The following UBE4B variants were observed in gnomAD, a reference collection of about 807,000 sequenced individuals.
UBE4B encodes ubiquitination factor E4B.
A neutral mutation model predicts 148.1 loss-of-function variants in UBE4B; 27 were observed. The ratio of observed to expected loss-of-function variants is 0.18; its 90% CI spans 0.13 to 0.25. The LOEUF is 0.25. Ranked by LOEUF, UBE4B falls within the 10% of genes least tolerant of loss-of-function variation. The pLI is 1.00. For synonymous variants in UBE4B, 596 were observed against 619.3 expected (o/e 0.96, Z 0.56); for missense variants, 1,170 against 1,662.4 (o/e 0.70, Z 5.15).
chr1:10,074,447 A>G (rs1173073030), intron 2 of UBE4B, among the ~76,000 whole-genome samples: 1 of 150,988 alleles, frequency 6.6e-6, no homozygotes, highest in Non-Finnish European at 1.5e-5. Context: ...CTTCTCCCCC[A>G]CATCTCTGCA....
chr1:10,117,657 C>A, intron 8 of UBE4B, 57 bp downstream of exon 8: 1 of 1,508,398 alleles, frequency 6.6e-7, no homozygotes, highest in Admixed American at 2.5e-5. Flanking sequence ...GTTTGATTAT[C>A]CCCACCCCTG....
At chr1:10,067,538 A>G (rs1470121911) in intron 1 of UBE4B, among the ~76,000 whole-genome samples, 2 of 151,938 alleles carry the variant, frequency 1.3e-5, no homozygotes, top group Non-Finnish European at 2.9e-5. Flanking sequence ...TGTTGTGACT[A>G]TTTTTTGGTG....
chr1:10,106,321 C>T lies in UBE4B; in HGVS notation c.934C>T (p.Pro312Ser), dbSNP rs759248268. Residue 312 changes from proline to serine, a missense_variant, in exon 7 of 28, where the codon CCT (proline) becomes TCT (serine). By Grantham distance (74) the Pro-to-Ser change is moderately conservative. Coordinates refer to ENST00000343090, the MANE Select transcript of UBE4B (RefSeq NM_001105562.3). The surrounding 1 kb of genome is among the most constrained non-coding windows in gnomAD (Gnocchi z 4.2). ...QLAVPSTPLSPHSAASGTAAG... is the reference protein window; with the variant it reads ...QLAVPSTPLSSHSAASGTAAG... ...GGCTGTGCCTTCCACTCCCCTCAGT[C>T]CTCACAGTGCAGCCTCTGGAACTGC... is the stretch of plus-strand genomic sequence containing the variant. The T allele has an allele frequency of 3.1e-6, 5 of 1,614,186 alleles. 1 individual carries two copies. In the South Asian group the frequency reaches 5.5e-5, roughly 18 times the overall value.
chr1:10,093,683 T>G (rs981647283), intron 2 of UBE4B, among the ~76,000 whole-genome samples: 53 of 152,110 alleles, frequency 3.5e-4, no homozygotes, highest in African/African-American at 1.3e-3. Context: ...CTGTTTTCTT[T>G]TTTCATACTT....
intron 1 of UBE4B, among the ~76,000 whole-genome samples, chr1:10,050,352 G>A (rs1644010161): frequency 6.6e-6 from 1 of 152,206 alleles, no homozygotes; most frequent in Admixed American, 6.5e-5. Flanking sequence ...GATTACAGGT[G>A]TGAGCCAGTG....
intron 17 of UBE4B, among the ~76,000 whole-genome samples, chr1:10,144,257 T>C (rs1236814606): frequency 6.6e-6 from 1 of 152,096 alleles, no homozygotes; most frequent in African/African-American, 2.4e-5. Context: ...GTTAGTAAAA[T>C]AGCCTTTTGT....
At chr1:10,082,982 A>G (rs143548538) in intron 2 of UBE4B, among the ~76,000 whole-genome samples, 3 of 152,144 alleles carry the variant, frequency 2.0e-5, no homozygotes, top group African/African-American at 7.2e-5. Context: ...TGCAAAGGAC[A>G]TGATCTCATT....
intron 1 of UBE4B, among the ~76,000 whole-genome samples, chr1:10,065,969 G>A (rs1254775512): frequency 6.6e-6 from 1 of 151,590 alleles, no homozygotes; most frequent in African/African-American, 2.4e-5. Context: ...ATAAAAATAT[G>A]CCTCATTTTA....
intron 8 of UBE4B, among the ~76,000 whole-genome samples, chr1:10,117,967 G>C (rs1645341726): frequency 6.6e-6 from 1 of 152,168 alleles, no homozygotes; most frequent in African/African-American, 2.4e-5. Flanking sequence ...GACTGTGCCA[G>C]GTCGACATTA....
intron 1 of UBE4B, among the ~76,000 whole-genome samples, chr1:10,044,668 A>C (rs1252820852): frequency 1.3e-5 from 2 of 151,516 alleles, no homozygotes; most frequent in South Asian, 4.2e-4. Flanking sequence ...CTGTAACTCC[A>C]CCGCTTGGGC....
chr1:10,044,613 C>T (rs931290442), intron 1 of UBE4B, among the ~76,000 whole-genome samples: 11 of 151,858 alleles, frequency 7.2e-5, no homozygotes, highest in Non-Finnish European at 1.5e-4. Flanking sequence ...CCGCCTGTCT[C>T]GCTTTGTCAC....
chr1:10,072,823 C>T (rs1452343761), intron 2 of UBE4B: 3 of 201,562 alleles, frequency 1.5e-5, no homozygotes, highest in Non-Finnish European at 3.0e-5. Flanking sequence ...ACTTTTCTAT[C>T]AAATATAGTA....
chr1:10,068,396 C>G (rs909690712), intron 1 of UBE4B, among the ~76,000 whole-genome samples: 2 of 148,228 alleles, frequency 1.3e-5, no homozygotes, highest in African/African-American at 5.0e-5. Flanking sequence ...GTTGCCCAGG[C>G]TGGAGTGCAG....
chr1:10,163,847 A>G (rs934445262), intron 23 of UBE4B, among the ~76,000 whole-genome samples: 3 of 150,252 alleles, frequency 2.0e-5, no homozygotes, highest in African/African-American at 2.4e-5. Flanking sequence ...TCTTGGCTCA[A>G]TTTATGCCTG....
At chr1:10,088,954 C>T (rs533591270) in intron 2 of UBE4B, among the ~76,000 whole-genome samples, 2 of 152,324 alleles carry the variant, frequency 1.3e-5, no homozygotes, top group Admixed American at 1.3e-4. Flanking sequence ...GTCGGGATTA[C>T]AGGCGTGAGC....
At chr1:10,126,639 C>G (rs1156634987) in intron 10 of UBE4B, among the ~76,000 whole-genome samples, 155 bp from the exon 11 acceptor site, 1 of 152,188 alleles carries the variant, frequency 6.6e-6, no homozygotes, top group Non-Finnish European at 1.5e-5. Context: ...AACAGGTCAA[C>G]ACTCTGGCTG....
At chr1:10,076,143 T>C (rs1570833973) in intron 2 of UBE4B, among the ~76,000 whole-genome samples, 1 of 152,302 alleles carries the variant, frequency 6.6e-6, no homozygotes. Flanking sequence ...TTATTTTCTG[T>C]GGTCCTGGAA....
At chr1:10,045,420 A>G (rs1271088660) in intron 1 of UBE4B, among the ~76,000 whole-genome samples, 1 of 152,190 alleles carries the variant, frequency 6.6e-6, no homozygotes, top group East Asian at 1.9e-4. Context: ...TTTCAGGGCT[A>G]TGAGAGCCTG....
chr1:10,134,837 G>T, intron 15 of UBE4B, 151 bp from the exon 16 acceptor site: 2 of 622,512 alleles, frequency 3.2e-6, no homozygotes, highest in Non-Finnish European at 5.5e-6. Context: ...TACTTGGGAG[G>T]CTAAGGTGGG....
Sources: gnomAD v4.1 joint callset for allele counts (sites outside exome capture counted in the v4.1 genomes callset) on GRCh38, gnomAD v4.1.1 for gene constraint, Gnocchi (gnomAD v3.1) non-coding constraint, MANE v1.5 for transcripts, NCBI Gene and HGNC (gene_info 2026-07-23, HGNC 2026-07-21) for gene names.